Variants in PTPRG observed in about 807,000 individuals in gnomAD.
PTPRG encodes the protein receptor-type tyrosine-protein phosphatase gamma.
Under a neutral mutation model 165.3 loss-of-function variants are expected in PTPRG, and 102 were observed. The observed-to-expected ratio is 0.62, with a 90% CI of 0.53 to 0.73. The LOEUF (loss-of-function observed/expected upper bound fraction) is 0.73, where lower values mean the gene tolerates loss of function less well. PTPRG is among the 30% of genes least tolerant of loss of function. The pLI is 0.00. For missense variants in PTPRG, 1,866 were observed against 1,861.4 expected (o/e 1.00, Z -0.05); for synonymous variants, 675 against 669.5 (o/e 1.01, Z -0.13).
intron 2 of PTPRG, among the ~76,000 whole-genome samples, chr3:61,889,502 T>C (rs1268782308): frequency 6.6e-6 from 1 of 152,238 alleles, no homozygotes; most frequent in Non-Finnish European, 1.5e-5. Context: ...AGTGACATGT[T>C]TACATACTCA....
chr3:61,572,743 A>G (rs889206698), intron 1 of PTPRG, among the ~76,000 whole-genome samples: 1 of 152,168 alleles, frequency 6.6e-6, no homozygotes, highest in South Asian at 2.1e-4. Flanking sequence ...CCTAGGGCCT[A>G]TGTTAGTGCT....
chr3:61,967,825 A>G lies in PTPRG; in HGVS notation c.191-21800A>G, dbSNP rs551057979. Among the ~76,000 whole-genome samples, 4 of 152,318 alleles carry G rather than the reference A, an allele frequency of 2.6e-5. No homozygotes were observed. The South Asian group carries it at 8.3e-4, about 32-fold the overall frequency. On this transcript the variant is annotated intron_variant, in intron 2 of 29. Transcript: ENST00000474889. Reference sequence around the variant, plus strand: ...TCAAAGTGAATGGATGTTTTTAAAGATGTATATATAAACAAAAGCTTGTGT... The same window carrying G: ...TCAAAGTGAATGGATGTTTTTAAAGGTGTATATATAAACAAAAGCTTGTGT...
At chr3:61,567,434 T>C (rs1004102873) in intron 1 of PTPRG, among the ~76,000 whole-genome samples, 21 of 152,054 alleles carry the variant, frequency 1.4e-4, no homozygotes, top group Non-Finnish European at 3.1e-4. Context: ...TCACAGTGCT[T>C]TGGGAGGCGG....
At chr3:61,976,600 T>C (rs898479213) in intron 2 of PTPRG, among the ~76,000 whole-genome samples, 1 of 152,158 alleles carries the variant, frequency 6.6e-6, no homozygotes, top group Non-Finnish European at 1.5e-5. Flanking sequence ...AATTGTCTCA[T>C]TTTTAGTTTC....
intron 2 of PTPRG, among the ~76,000 whole-genome samples, chr3:61,758,314 G>T (rs1032553631): frequency 6.6e-6 from 1 of 152,140 alleles, no homozygotes; most frequent in Non-Finnish European, 1.5e-5. Flanking sequence ...GATATAAAAC[G>T]GGGACTTTCT....
intron 1 of PTPRG, among the ~76,000 whole-genome samples, chr3:61,624,398 T>C (rs551986982): frequency 8.5e-4 from 130 of 152,274 alleles, no homozygotes; most frequent in African/African-American, 3.1e-3. Flanking sequence ...GAAGTTGTTT[T>C]GGGCTTCCAG....
rs1338900108 is a variant in PTPRG, at chr3:61,977,265, C to T, written c.191-12360C>T. 2.0e-5 allele frequency among the ~76,000 whole-genome samples: 3 copies of T among 151,904 alleles called. No individual in the cohort carries two copies. In the East Asian group the frequency reaches 5.8e-4, roughly 29 times the overall value. On this transcript the variant is annotated intron_variant, in intron 2 of 29. Transcript: ENST00000474889. ...ACCACCCAACTAGAGGCAGTGTCAC[C>T]CCTGTTGAGAATGCATGCTATGATG...
rs191430409 is a variant in PTPRG at position 62,043,048 on chromosome 3, G to A, written c.520-35115G>A. Among the ~76,000 whole-genome samples the A allele has an allele frequency of 5.3e-5, 8 of 152,218 alleles. No individual in the cohort carries two copies. The East Asian group carries it at 5.8e-4, about 11-fold the overall frequency. On this transcript the variant is annotated intron_variant, in intron 4 of 29. Transcript: ENST00000474889. ...GGTACAATTTTTTTTATTAAGTGAC[G>A]TGTCAAGATTATTGGGCTAAGTTGG...
chr3:61,655,036 C>T (rs1702472064), intron 1 of PTPRG, among the ~76,000 whole-genome samples: 2 of 151,964 alleles, frequency 1.3e-5, no homozygotes, highest in African/African-American at 4.8e-5. Context: ...ATCCACCCAC[C>T]TCGGCTTCCC....
At chr3:61,804,888 C>A (rs1357986671) in intron 2 of PTPRG, among the ~76,000 whole-genome samples, 3 of 152,188 alleles carry the variant, frequency 2.0e-5, no homozygotes, top group South Asian at 2.1e-4. Context: ...CAGCTCTCTT[C>A]CCCCCTTTGC....
intron 2 of PTPRG, among the ~76,000 whole-genome samples, chr3:61,837,219 T>C (rs935390483): frequency 6.6e-6 from 1 of 152,220 alleles, no homozygotes; most frequent in Non-Finnish European, 1.5e-5. Context: ...GGTTAATTTT[T>C]GTATTTTTAG....
At chr3:62,257,009 G>A (rs1282357486) in intron 16 of PTPRG, among the ~76,000 whole-genome samples, 2 of 152,124 alleles carry the variant, frequency 1.3e-5, no homozygotes, top group Non-Finnish European at 2.9e-5. Context: ...TTATGGGAGT[G>A]GAATGGGGAG....
chr3:62,188,193 G>A (rs992281179), intron 8 of PTPRG, among the ~76,000 whole-genome samples: 2 of 152,118 alleles, frequency 1.3e-5, no homozygotes, highest in Non-Finnish European at 2.9e-5. Flanking sequence ...GGGCAACATA[G>A]TGAAACCCCG....
rs542360467 is a variant in PTPRG at position 62,277,065 on chromosome 3, A to G, written c.3636+17A>G. 26 of 1,596,380 alleles carry G rather than the reference A, an allele frequency of 1.6e-5. No individual in the cohort carries two copies. The highest frequency in any genetic ancestry group is 1.9e-5 in the Non-Finnish European group (22 of 1,165,354). On this transcript the variant is annotated intron_variant, in intron 25 of 29. Coordinates refer to ENST00000474889, the MANE Select transcript of PTPRG (RefSeq NM_002841.4). Reference sequence around the variant, plus strand: ...TATATCATGGTGAGAGTCAACAGTTAATTATAAATAAAGTCAACTAAACTG... The same window carrying G: ...TATATCATGGTGAGAGTCAACAGTTGATTATAAATAAAGTCAACTAAACTG...
intron 28 of PTPRG, among the ~76,000 whole-genome samples, chr3:62,283,750 C>T (rs1337486627): frequency 6.6e-6 from 1 of 152,028 alleles, no homozygotes; most frequent in Non-Finnish European, 1.5e-5. Context: ...GGCACTAATG[C>T]TGTATCATGA....
intron 2 of PTPRG, among the ~76,000 whole-genome samples, chr3:61,774,882 C>G (rs1487367097): frequency 1.3e-5 from 2 of 152,128 alleles, no homozygotes; most frequent in African/African-American, 4.8e-5. Flanking sequence ...AGAGATTGGA[C>G]TGTGTTTGAC....
chr3:62,208,230 G>T lies in PTPRG; in HGVS notation c.2155+4280G>T, dbSNP rs147224983. ...GCGTTTCTTTAGTGCAAAGCCCTCA[G>T]CTGGATGTCTGCTACATGGAAATCC... On this transcript the variant is annotated intron_variant, in intron 12 of 29. Transcript: ENST00000474889. Among the ~76,000 whole-genome samples, 185 of 152,174 alleles carry T rather than the reference G, an allele frequency of 1.2e-3. 1 individual carries two copies. The highest frequency in any genetic ancestry group is 2.1e-3 in the Non-Finnish European group (146 of 68,000).
At chr3:61,572,249 T>C (rs1184173938) in intron 1 of PTPRG, among the ~76,000 whole-genome samples, 1 of 152,220 alleles carries the variant, frequency 6.6e-6, no homozygotes, top group Non-Finnish European at 1.5e-5. Flanking sequence ...TTTGTTTGTT[T>C]GTTTGTTTTT....
chr3:61,798,572 C>T (rs2107159127), intron 2 of PTPRG, among the ~76,000 whole-genome samples: 1 of 147,232 alleles, frequency 6.8e-6, no homozygotes, highest in South Asian at 2.2e-4. Flanking sequence ...AGAGTCTGTT[C>T]TTTACCACCT....
Sources: gnomAD v4.1 joint callset for allele counts (sites outside exome capture counted in the v4.1 genomes callset) on GRCh38, gnomAD v4.1.1 for gene constraint, MANE v1.5 for transcripts, NCBI Gene and HGNC (gene_info 2026-07-23, HGNC 2026-07-21) for gene names.